The following OGDHL variants were observed in gnomAD, a reference collection of about 807,000 sequenced individuals.
The protein encoded by OGDHL is 2-oxoglutarate dehydrogenase-like, mitochondrial.
OGDHL carries 79 observed loss-of-function variants against 109.6 expected under a neutral mutation model. The ratio of observed to expected loss-of-function variants is 0.72; its 90% CI spans 0.60 to 0.87. OGDHL has a LOEUF of 0.87. Ranked by LOEUF, OGDHL falls within the 40% of genes least tolerant of loss-of-function variation. The pLI is 0.00. For missense variants in OGDHL, 1,275 were observed against 1,362.2 expected, an observed-to-expected ratio of 0.94 and a Z score of 1.01; for synonymous variants, 528 against 537.2, an observed-to-expected ratio of 0.98 and a Z score of 0.24.
intron 7 of OGDHL, among the ~76,000 whole-genome samples, chr10:49,750,407 G>A (rs1401753127): frequency 6.6e-6 from 1 of 152,172 alleles, no homozygotes; most frequent in Admixed American, 6.5e-5. Context: ...CAGTCAGCTT[G>A]CAGCCAGGTC....
At position 49,752,212 on chromosome 10, in the gene OGDHL, T is replaced by C; in HGVS notation, c.515A>G (p.Glu172Gly). The change falls in exon 5 of 23, where the codon GAG becomes GGG. Residue 172 changes from glutamate to glycine, a missense_variant. Coordinates refer to ENST00000374103, the MANE Select transcript of OGDHL (RefSeq NM_018245.3). ...YDLQEADLDK[E>G]FQLPTTTFIG... Reference sequence around the variant, plus strand: ...GAAGGTGGTTGTCGGCAGCTGGAACTCCTTATCAAGGTCAGCCTCCTGAAG... The same window carrying C: ...GAAGGTGGTTGTCGGCAGCTGGAACCCCTTATCAAGGTCAGCCTCCTGAAG... The C allele has an allele frequency of 6.2e-7, 1 of 1,614,054 alleles. No individual in the cohort carries two copies. Among genetic ancestry groups the C allele is most frequent in the Non-Finnish European group, 8.5e-7 (1 of 1,180,010 alleles).
intron 8 of OGDHL, among the ~76,000 whole-genome samples, chr10:49,749,059 A>C (rs1298732918): frequency 6.6e-6 from 1 of 152,150 alleles, no homozygotes; most frequent in East Asian, 1.9e-4. Flanking sequence ...AAATACAAAA[A>C]TTAGCCGGGC....
Position 49,747,059 on chromosome 10 carries a change from C to A in OGDHL, c.1137G>T (p.Gln379His). 1 of 1,614,212 alleles carries A rather than the reference C, an allele frequency of 6.2e-7. No homozygotes were observed. Among genetic ancestry groups the A allele is most frequent in the Non-Finnish European group, 8.5e-7 (1 of 1,180,020 alleles). Residue 379 changes from glutamine (Q) to histidine (H), a missense_variant, in exon 9 of 23, where the codon CAG becomes CAT. Physicochemically the swap from Gln to His is conservative, Grantham distance 24 (BLOSUM62 0). Transcript: ENST00000374103. ...TGCCCTGGGCATCTCCACGGTAGAA[C>A]TGCTCTGCCTTTGTCTTCCCCTGCA... ...PVVQGKTKAE[Q>H]FYRGDAQGKK...
intron 20 of OGDHL, among the ~76,000 whole-genome samples, chr10:49,737,241 T>G (rs1233930395): frequency 6.6e-6 from 1 of 152,148 alleles, no homozygotes; most frequent in Non-Finnish European, 1.5e-5. Context: ...ATCCAACCCC[T>G]GTCCATGCTG....
intron 11 of OGDHL, 123 bp from the exon 12 acceptor site, chr10:49,745,619 A>T: frequency 1.5e-6 from 2 of 1,345,690 alleles, no homozygotes. Flanking sequence ...CTCCACTATC[A>T]CCTATCACCG....
At chr10:49,738,486 G>A (rs1564524481) in intron 17 of OGDHL, 7 of 580,580 alleles carry the variant, frequency 1.2e-5, no homozygotes, top group Non-Finnish European at 1.8e-5. Flanking sequence ...TGAACTTGCA[G>A]GGACAGAAGA....
At position 49,752,179 on chromosome 10, in the gene OGDHL, C is replaced by T. The variant is rs1198703931; in HGVS notation, c.548G>A (p.Gly183Asp). The T allele has an allele frequency of 3.1e-6, 5 of 1,614,034 alleles. No homozygotes were observed. In the East Asian group the frequency reaches 8.9e-5, roughly 29 times the overall value. The change falls in exon 5 of 23, where the codon GGC becomes GAC. Residue 183 changes from glycine to aspartate, a missense_variant. Transcript: ENST00000374103. ...FQLPTTTFIG[G>D]SENTLSLREI... ...CCGCAGAGAGAGGGTGTTTTCAGAG[C>T]CCCCAATGAAGGTGGTTGTCGGCAG...
chr10:49,758,622 A>C (rs1197756903), intron 1 of OGDHL, 29 bp from the exon 2 acceptor site: 1 of 1,608,592 alleles, frequency 6.2e-7, no homozygotes, highest in African/African-American at 1.3e-5. Flanking sequence ...GGAGAGGCAT[A>C]AATGGCAGGA....
Position 49,747,184 on chromosome 10 carries a change from G to A in OGDHL, c.1012C>T (p.Leu338=). ...TTGATCCTCTCATGGTACATGCCCA[G>A]GTGGTACTTGACATCCCCGGAGCCC... ...DEGSGDVKYH[L]GMYHERINRV... Residue 338 remains leucine, a synonymous_variant, in exon 9 of 23, where the codon CTG becomes TTG. Transcript: ENST00000374103. 4.3e-6 allele frequency: 7 copies of A among 1,614,142 alleles called. No homozygotes were observed. Among genetic ancestry groups the A allele is most frequent in the Non-Finnish European group, 5.9e-6 (7 of 1,179,988 alleles).
chr10:49,739,577 C>A (rs1841484425), intron 17 of OGDHL, 84 bp downstream of exon 17: 2 of 1,517,852 alleles, frequency 1.3e-6, no homozygotes, highest in South Asian at 1.3e-5. Context: ...TACCGTCCAA[C>A]CCGACAAGGG....
At chr10:49,749,935 A>C in intron 7 of OGDHL, 119 bp from the exon 8 acceptor site, 1 of 784,614 alleles carries the variant, frequency 1.3e-6, no homozygotes, top group Non-Finnish European at 2.1e-6. Flanking sequence ...AGCCCTCCTC[A>C]GGCCACCCAA....
At chr10:49,745,769 C>A in intron 11 of OGDHL, 29 bp downstream of exon 11, 1 of 1,607,246 alleles carries the variant, frequency 6.2e-7, no homozygotes, top group South Asian at 1.1e-5. Context: ...GCCACCCACC[C>A]ATGCCTTGGC....
chr10:49,760,832 C>G (rs921543458), intron 1 of OGDHL, among the ~76,000 whole-genome samples: 1 of 152,236 alleles, frequency 6.6e-6, no homozygotes, highest in African/African-American at 2.4e-5. Context: ...TTTCTCTTAG[C>G]GATGCAGTTC....
At chr10:49,749,406 AC>A (rs1192942644) in intron 8 of OGDHL, among the ~76,000 whole-genome samples, 1 of 152,172 alleles carries the variant, frequency 6.6e-6, no homozygotes, top group African/African-American at 2.4e-5. Context: ...AGGACTTTGG[AC>A]ATGGAGGCAC....
At chr10:49,748,791 C>T (rs1842387406) in intron 8 of OGDHL, among the ~76,000 whole-genome samples, 1 of 149,800 alleles carries the variant, frequency 6.7e-6, no homozygotes, top group South Asian at 2.1e-4. Context: ...CACACGGCAG[C>T]AGGCTGGAGA....
intron 10 of OGDHL, 25 bp downstream of exon 10, chr10:49,746,725 C>T: frequency 1.9e-6 from 3 of 1,612,136 alleles, no homozygotes; most frequent in East Asian, 2.2e-5. Context: ...CGCTGTGAGG[C>T]CCAGCGTGGA....
rs144796503 is a variant in OGDHL at position 49,758,564 on chromosome 10, C to G, written c.29G>C (p.Arg10Pro). 1 of 1,613,902 alleles carries G rather than the reference C, an allele frequency of 6.2e-7. No homozygotes were observed. The highest frequency in any genetic ancestry group is 1.7e-5 in the Admixed American group (1 of 60,030). ...GAGCCTCGCAGCCTGTACCCCAAGA[C>G]GGGACGGCAGCAGCCTCAGCTGACT... MSQLRLLPS[R>P]LGVQAARLLA... The change falls in exon 2 of 23, where the codon CGT becomes CCT. Residue 10 changes from arginine (R) to proline (P), a missense_variant. By Grantham distance (103) the Arg-to-Pro change is moderately radical (BLOSUM62 -2). Transcript: ENST00000374103.
In OGDHL at chr10:49,759,620, C is replaced by A. The variant is rs79459512; in HGVS notation, c.-1-1027G>T. Among the ~76,000 whole-genome samples the A allele has an allele frequency of 3.7e-3, 567 of 152,236 alleles. 3 individuals are homozygous for A. The highest frequency in any genetic ancestry group is 0.013 in the African/African-American group (525 of 41,544). ...TACTGAGGTCCCAGATCACCCCATACCCCTGCCACCTCATCCTACACATGA... is the reference window on the plus strand; with the variant it reads ...TACTGAGGTCCCAGATCACCCCATAACCCTGCCACCTCATCCTACACATGA... On this transcript the variant is annotated intron_variant, in intron 1 of 22. Transcript: ENST00000374103.
intron 20 of OGDHL, among the ~76,000 whole-genome samples, chr10:49,736,830 A>T (rs1841233236): frequency 6.6e-6 from 1 of 152,138 alleles, no homozygotes; most frequent in African/African-American, 2.4e-5. Flanking sequence ...TGATGGCATC[A>T]TCCTTTGCCC....
Sources: gnomAD v4.1 joint callset for allele counts (sites outside exome capture counted in the v4.1 genomes callset) on GRCh38, gnomAD v4.1.1 for gene constraint, MANE v1.5 for transcripts, NCBI Gene and HGNC (gene_info 2026-07-23, HGNC 2026-07-21) for gene names.